The following MECOM variants were observed in gnomAD, a reference collection of about 807,000 sequenced individuals.
The protein encoded by MECOM is MDS1 and EVI1 complex locus.
In MECOM, 13 loss-of-function variants were observed where a neutral mutation model predicts 116.3. The observed-to-expected ratio is 0.11, with a 90% CI of 0.07 to 0.18. The LOEUF (loss-of-function observed/expected upper bound fraction) is 0.18. Ranked by LOEUF, MECOM falls within the 10% of genes least tolerant of loss-of-function variation. The pLI, the probability that MECOM is intolerant of heterozygous loss-of-function variation, is 1.00. For synonymous variants in MECOM, 528 were observed against 535.2 expected (o/e 0.99, Z 0.19); for missense variants, 1,299 against 1,509.0 (o/e 0.86, Z 2.31).
At chr3:169,398,060 G>A (rs1735286259) in intron 1 of MECOM, among the ~76,000 whole-genome samples, 1 of 152,160 alleles carries the variant, frequency 6.6e-6, no homozygotes, top group African/African-American at 2.4e-5. Flanking sequence ...CAATACCTGG[G>A]ATGAGCTTTG....
intron 1 of MECOM, among the ~76,000 whole-genome samples, chr3:169,614,450 G>T (rs551164617): frequency 7.4e-4 from 113 of 152,052 alleles, no homozygotes; most frequent in Non-Finnish European, 8.4e-4. Context: ...AAACAATAAG[G>T]AAACTCTGGA....
chr3:169,203,953 A>G (rs559902149), intron 2 of MECOM, among the ~76,000 whole-genome samples: 1 of 152,350 alleles, frequency 6.6e-6, no homozygotes, highest in East Asian at 1.9e-4. Flanking sequence ...GTGAAGAAGA[A>G]TGGGTTGATC....
At chr3:169,370,013 A>T (rs1271973394) in intron 2 of MECOM, among the ~76,000 whole-genome samples, 1 of 151,970 alleles carries the variant, frequency 6.6e-6, no homozygotes, top group Non-Finnish European at 1.5e-5. Context: ...AGTATGCAAC[A>T]CGTCAAGTGC....
At chr3:169,609,168 CATG>C (rs1297838267) in intron 1 of MECOM, among the ~76,000 whole-genome samples, 1 of 152,194 alleles carries the variant, frequency 6.6e-6, no homozygotes, top group Non-Finnish European at 1.5e-5. Context: ...GTAAAATCTT[CATG>C]ATGAGTGGGA....
intron 1 of MECOM, among the ~76,000 whole-genome samples, chr3:169,397,047 C>A (rs1417230579): frequency 6.6e-6 from 1 of 152,112 alleles, no homozygotes; most frequent in Non-Finnish European, 1.5e-5. Flanking sequence ...GAGTAATATA[C>A]AAATGCCAAA....
At chr3:169,646,713 G>T (rs908965768) in intron 1 of MECOM, among the ~76,000 whole-genome samples, 1 of 152,080 alleles carries the variant, frequency 6.6e-6, no homozygotes, top group African/African-American at 2.4e-5. Flanking sequence ...GTGAGCTTGG[G>T]CATATTTACT....
chr3:169,091,684 C>T (rs1560115788), intron 14 of MECOM, among the ~76,000 whole-genome samples: 1 of 152,058 alleles, frequency 6.6e-6, no homozygotes, highest in Non-Finnish European at 1.5e-5. Context: ...CATCCAACTG[C>T]ACACTGGTGT....
At chr3:169,215,236 T>C (rs1751272625) in intron 2 of MECOM, among the ~76,000 whole-genome samples, 1 of 108,634 alleles carries the variant, frequency 9.2e-6, no homozygotes, top group East Asian at 2.6e-4. Flanking sequence ...TTCCCCCTCC[T>C]CTTTCCTTTT....
intron 1 of MECOM, among the ~76,000 whole-genome samples, chr3:169,530,799 T>C (rs1758525078): frequency 6.6e-6 from 1 of 152,102 alleles, no homozygotes; most frequent in Non-Finnish European, 1.5e-5. Flanking sequence ...GGTTAAATGG[T>C]ATAATGTCCA....
At chr3:169,205,602 T>C (rs1456569569) in intron 2 of MECOM, among the ~76,000 whole-genome samples, 1 of 152,076 alleles carries the variant, frequency 6.6e-6, no homozygotes, top group East Asian at 1.9e-4. Flanking sequence ...TGGGTCAGAA[T>C]AGAAAGAGTA....
chr3:169,539,725 G>A (rs900353486), intron 1 of MECOM, among the ~76,000 whole-genome samples: 5 of 152,046 alleles, frequency 3.3e-5, no homozygotes, highest in South Asian at 2.1e-4. Context: ...TTTTAAAAAC[G>A]TATATCAGAC....
chr3:169,122,965 C>T (rs1486437501), intron 5 of MECOM, among the ~76,000 whole-genome samples: 2 of 151,982 alleles, frequency 1.3e-5, no homozygotes, highest in African/African-American at 4.8e-5. Context: ...GAAAATAAAT[C>T]TGATACAGCT....
At chr3:169,408,776 C>T (rs747415236) in intron 1 of MECOM, among the ~76,000 whole-genome samples, 1 of 151,970 alleles carries the variant, frequency 6.6e-6, no homozygotes, top group East Asian at 1.9e-4. Context: ...AAGCAAGTAA[C>T]GTAAGCAGGC....
chr3:169,203,100 TG>T (rs1749405837), intron 2 of MECOM, among the ~76,000 whole-genome samples: 2 of 152,298 alleles, frequency 1.3e-5, no homozygotes, highest in African/African-American at 4.8e-5. Context: ...AGGATAAGCA[TG>T]GTCAAGGTGA....
chr3:169,120,829 C>T (rs148405407), intron 7 of MECOM: 231 of 369,406 alleles, frequency 6.3e-4, no homozygotes, highest in African/African-American at 4.1e-3. Context: ...TTTTCTCTAC[C>T]TGTTATTGAT....
chr3:169,405,563 G>T (rs1321806341), intron 1 of MECOM, among the ~76,000 whole-genome samples: 1 of 152,092 alleles, frequency 6.6e-6, no homozygotes, highest in Non-Finnish European at 1.5e-5. Context: ...GAATGTTCCA[G>T]ATCAATACAG....
intron 2 of MECOM, among the ~76,000 whole-genome samples, chr3:169,197,383 C>T (rs1232297538): frequency 2.0e-5 from 3 of 151,436 alleles, no homozygotes; most frequent in East Asian, 1.9e-4. Context: ...GCAGTGTGTG[C>T]GGACTATGAT....
chr3:169,299,450 G>T (rs1716294539), intron 2 of MECOM, among the ~76,000 whole-genome samples: 1 of 152,136 alleles, frequency 6.6e-6, no homozygotes, highest in Non-Finnish European at 1.5e-5. Context: ...TAAAGATTAG[G>T]CCTGGAGTAT....
chr3:169,144,182 G>C (rs1739004914), intron 2 of MECOM, among the ~76,000 whole-genome samples: 2 of 151,992 alleles, frequency 1.3e-5, no homozygotes, highest in African/African-American at 4.8e-5. Flanking sequence ...AAACATTACA[G>C]TCAATATTTC....
Sources: gnomAD v4.1 joint callset for allele counts (sites outside exome capture counted in the v4.1 genomes callset) on GRCh38, gnomAD v4.1.1 for gene constraint, MANE v1.5 for transcripts, NCBI Gene and HGNC (gene_info 2026-07-23, HGNC 2026-07-21) for gene names.